Variants in SPMAP2L observed in about 807,000 individuals in gnomAD.
SPMAP2L encodes sperm microtubule associated protein 2 like, also known as sperm microtubule associated protein 2-like.
chr4:56,566,831 G>T, the SPMAP2L span, among the ~76,000 whole-genome samples: 1 of 150,652 alleles, frequency 6.6e-6, no homozygotes, highest in Non-Finnish European at 1.5e-5. Context: ...CAAGTAGCTG[G>T]GATTACAGGC....
the SPMAP2L span, among the ~76,000 whole-genome samples, chr4:56,587,693 C>A: frequency 6.6e-6 from 1 of 151,988 alleles, no homozygotes; most frequent in Non-Finnish European, 1.5e-5. Flanking sequence ...ATACATTTAC[C>A]ACAGTTTCTT....
the SPMAP2L span, among the ~76,000 whole-genome samples, chr4:56,578,742 A>G: frequency 3.7e-4 from 57 of 152,174 alleles, no homozygotes; most frequent in African/African-American, 1.4e-3. Flanking sequence ...ATTGTTACTA[A>G]AGACAGAGAA....
the SPMAP2L span, among the ~76,000 whole-genome samples, chr4:56,605,820 TA>T: frequency 6.6e-6 from 1 of 152,280 alleles, no homozygotes; most frequent in Admixed American, 6.5e-5. Flanking sequence ...GATAACAACA[TA>T]AAACCTTGAG....
chr4:56,596,618 T>A, the SPMAP2L span: 1 of 1,523,118 alleles, frequency 6.6e-7, no homozygotes, highest in South Asian at 1.2e-5. Context: ...AGAAGTGAAC[T>A]GCCCATCCGT....
the SPMAP2L span, chr4:56,595,527 T>G: frequency 6.7e-7 from 1 of 1,499,308 alleles, no homozygotes; most frequent in Non-Finnish European, 9.3e-7. Context: ...GCGTTATATC[T>G]TCCCACTGGG....
the SPMAP2L span, among the ~76,000 whole-genome samples, chr4:56,576,408 T>C: frequency 6.6e-6 from 1 of 152,212 alleles, no homozygotes; most frequent in African/African-American, 2.4e-5. Flanking sequence ...AAAATTACTT[T>C]ATGTTAATCC....
At chr4:56,537,869 AT>A in the SPMAP2L span, among the ~76,000 whole-genome samples, 1 of 151,718 alleles carries the variant, frequency 6.6e-6, no homozygotes, top group Admixed American at 6.6e-5. Context: ...ATTTTTTTGT[AT>A]TTTTAGTAGA....
At chr4:56,603,201 T>A in the SPMAP2L span, 1 of 1,508,312 alleles carries the variant, frequency 6.6e-7, no homozygotes, top group Non-Finnish European at 8.8e-7. Flanking sequence ...CTTTTTCCCC[T>A]ATTTCAGGGC....
the SPMAP2L span, among the ~76,000 whole-genome samples, chr4:56,532,149 T>A: frequency 6.6e-6 from 1 of 152,346 alleles, no homozygotes; most frequent in Non-Finnish European, 1.5e-5. Flanking sequence ...CCTTAGTAAG[T>A]TGGTTTTCCC....
At chr4:56,574,896 C>T in the SPMAP2L span, among the ~76,000 whole-genome samples, 1 of 148,590 alleles carries the variant, frequency 6.7e-6, no homozygotes, top group African/African-American at 2.5e-5. Context: ...GTAGGAGGAT[C>T]ACTTGAGCCC....
chr4:56,614,449 G>A, the SPMAP2L span, among the ~76,000 whole-genome samples: 76 of 152,206 alleles, frequency 5.0e-4, no homozygotes, highest in African/African-American at 1.7e-3. Context: ...GAGGTCAGGA[G>A]TTCAAGACCA....
the SPMAP2L span, among the ~76,000 whole-genome samples, chr4:56,586,561 C>T: frequency 6.6e-6 from 1 of 152,302 alleles, no homozygotes; most frequent in South Asian, 2.1e-4. Context: ...TCCACAATAA[C>T]ACCTGTGTGT....
At chr4:56,560,138 T>C in the SPMAP2L span, among the ~76,000 whole-genome samples, 1 of 152,218 alleles carries the variant, frequency 6.6e-6, no homozygotes, top group Non-Finnish European at 1.5e-5. Context: ...CTCTTCAAGA[T>C]ATCTTTGAAG....
the SPMAP2L span, among the ~76,000 whole-genome samples, chr4:56,537,911 T>G: frequency 3.9e-5 from 6 of 152,068 alleles, no homozygotes; most frequent in African/African-American, 1.4e-4. Flanking sequence ...GCCAGGATGG[T>G]CTTGATCTCC....
At chr4:56,593,758 C>T in the SPMAP2L span, 1 of 1,568,798 alleles carries the variant, frequency 6.4e-7, no homozygotes, top group Non-Finnish European at 8.8e-7. Flanking sequence ...CTCTTCAAAC[C>T]AGGGAGCAAC....
the SPMAP2L span, among the ~76,000 whole-genome samples, chr4:56,560,255 C>T: frequency 6.6e-6 from 1 of 152,084 alleles, no homozygotes; most frequent in South Asian, 2.1e-4. Context: ...CGACTCCTGC[C>T]GAGGACTGGC....
the SPMAP2L span, among the ~76,000 whole-genome samples, chr4:56,543,889 AGAGAGAGT>A: frequency 2.3e-5 from 3 of 130,120 alleles, no homozygotes; most frequent in South Asian, 2.7e-4. Flanking sequence ...AGAGAGAGAG[AGAGAGAGT>A]GTGTGTGTGT....
At chr4:56,589,145 C>T in the SPMAP2L span, among the ~76,000 whole-genome samples, 1 of 152,050 alleles carries the variant, frequency 6.6e-6, no homozygotes, top group East Asian at 1.9e-4. Flanking sequence ...CCCACCACCA[C>T]ACCTGGCTAA....
At chr4:56,612,188 C>T in the SPMAP2L span, among the ~76,000 whole-genome samples, 3 of 152,280 alleles carry the variant, frequency 2.0e-5, no homozygotes, top group East Asian at 5.8e-4. Context: ...ATGTCAGGTA[C>T]AGCCTGCATT....
Sources: gnomAD v4.1 joint callset for allele counts (sites outside exome capture counted in the v4.1 genomes callset) on GRCh38, gnomAD v4.1.1 for gene constraint, MANE v1.5 for transcripts, NCBI Gene and HGNC (gene_info 2026-07-23, HGNC 2026-07-21) for gene names.